Variants in IQCM observed in about 807,000 individuals in gnomAD.
IQCM encodes IQ motif containing M, also known as IQ domain-containing protein M.
IQCM carries 45 observed loss-of-function variants against 57.6 expected under a neutral mutation model. The ratio of observed to expected loss-of-function variants is 0.78; its 90% confidence interval spans 0.62 to 1.00. IQCM has a LOEUF of 1.00. IQCM is among the 50% of genes least tolerant of loss of function. The probability of loss-of-function intolerance (pLI) is 0.00; values close to 1 mark genes in which losing one functional copy is unlikely to be tolerated. For synonymous variants in IQCM, 148 were observed against 158.9 expected (o/e 0.93, Z 0.51); for missense variants, 468 against 511.6 (o/e 0.91, Z 0.82).
At chr4:149,438,848 T>C (rs149671518) in intron 12 of IQCM, among the ~76,000 whole-genome samples, 2,598 of 152,122 alleles carry the variant, frequency 0.017, 39 homozygotes, top group Non-Finnish European at 0.026. Context: ...GATATGCCAA[T>C]AAATAATATG....
chr4:149,596,686 T>C (rs756629279), intron 8 of IQCM, among the ~76,000 whole-genome samples: 7 of 152,138 alleles, frequency 4.6e-5, no homozygotes, highest in Non-Finnish European at 7.4e-5. Flanking sequence ...AGAAGTTTTC[T>C]AGGAATTTCT....
intron 8 of IQCM, among the ~76,000 whole-genome samples, chr4:149,609,269 G>T (rs1561055058): frequency 6.6e-6 from 1 of 151,752 alleles, no homozygotes; most frequent in Non-Finnish European, 1.5e-5. Flanking sequence ...TCAGAGAAAA[G>T]TCCAGGACCT....
chr4:149,481,723 G>GTTTTTTTTTGTTTTTTTTTTTTTTTT (rs1740903527), intron 12 of IQCM, among the ~76,000 whole-genome samples: 7 of 9,344 alleles, frequency 7.5e-4, no homozygotes, highest in African/African-American at 1.9e-3. Context: ...TTTTTTTTTT[G>GTTTTTTTTTGTTTTTTTTTTTTTTTT]CTTTTTGCTT....
chr4:149,408,584 C>G (rs1381202066), intron 13 of IQCM, among the ~76,000 whole-genome samples: 1 of 152,060 alleles, frequency 6.6e-6, no homozygotes, highest in Non-Finnish European at 1.5e-5. Flanking sequence ...GGAGGTGAGT[C>G]TTAAAGAACT....
intron 7 of IQCM, among the ~76,000 whole-genome samples, chr4:149,681,043 G>T (rs541874189): frequency 6.0e-5 from 9 of 151,222 alleles, no homozygotes; most frequent in Admixed American, 5.9e-4. Context: ...AGACTGAGGC[G>T]TTCATAAACC....
intron 13 of IQCM, among the ~76,000 whole-genome samples, chr4:149,364,322 C>T (rs796771235): frequency 3.9e-5 from 6 of 152,160 alleles, no homozygotes; most frequent in African/African-American, 1.4e-4. Context: ...ATGATGTTTC[C>T]GCAGCCTTAC....
intron 8 of IQCM, among the ~76,000 whole-genome samples, chr4:149,619,295 T>G (rs978235174): frequency 6.6e-6 from 1 of 151,974 alleles, no homozygotes; most frequent in South Asian, 2.1e-4. Context: ...TGGGTAGCGA[T>G]GGTCATCCAA....
chr4:149,562,715 G>A (rs1360675715), intron 10 of IQCM, among the ~76,000 whole-genome samples: 1 of 152,048 alleles, frequency 6.6e-6, no homozygotes, highest in African/African-American at 2.4e-5. Flanking sequence ...TTTTGCCAGA[G>A]TTTTACATGT....
intron 13 of IQCM, among the ~76,000 whole-genome samples, chr4:149,397,825 A>G (rs114308669): frequency 6.6e-6 from 1 of 151,670 alleles, no homozygotes; most frequent in Admixed American, 6.6e-5. Context: ...TCAGAGATTA[A>G]CCCCTTATCA....
chr4:149,629,593 G>T (rs1180349285), intron 7 of IQCM, among the ~76,000 whole-genome samples: 1 of 151,848 alleles, frequency 6.6e-6, no homozygotes, highest in Non-Finnish European at 1.5e-5. Context: ...ACAAGCAATT[G>T]TCTTTAGGCA....
At chr4:149,570,051 A>G (rs549247195) in intron 9 of IQCM, among the ~76,000 whole-genome samples, 39 of 152,138 alleles carry the variant, frequency 2.6e-4, no homozygotes, top group African/African-American at 9.4e-4. Flanking sequence ...AAAAGTCCTA[A>G]TAAAAATGTT....
intron 5 of IQCM, among the ~76,000 whole-genome samples, chr4:149,732,175 C>T (rs1025450685): frequency 3.9e-5 from 6 of 152,182 alleles, no homozygotes; most frequent in African/African-American, 1.4e-4. Context: ...AACATAAGTT[C>T]AAATTCTAGG....
intron 2 of IQCM, among the ~76,000 whole-genome samples, chr4:149,767,939 G>T (rs1018958331): frequency 2.0e-5 from 3 of 151,908 alleles, no homozygotes; most frequent in Non-Finnish European, 4.4e-5. Context: ...AAGAATATCT[G>T]TTTTATGGTT....
At chr4:149,560,430 T>C (rs1750007374) in intron 10 of IQCM, among the ~76,000 whole-genome samples, 1 of 152,132 alleles carries the variant, frequency 6.6e-6, no homozygotes, top group African/African-American at 2.4e-5. Context: ...ATATTTAATT[T>C]AGGATTAAAA....
chr4:149,402,985 A>G (rs969360787), intron 13 of IQCM, among the ~76,000 whole-genome samples: 4 of 151,970 alleles, frequency 2.6e-5, no homozygotes, highest in Non-Finnish European at 5.9e-5. Flanking sequence ...TGCATTTTAC[A>G]ATACAGAAGA....
intron 12 of IQCM, among the ~76,000 whole-genome samples, chr4:149,518,656 T>C (rs1421949537): frequency 6.6e-6 from 1 of 152,174 alleles, no homozygotes; most frequent in Non-Finnish European, 1.5e-5. Context: ...TGACAACTAA[T>C]TCAATGGTGT....
intron 2 of IQCM, among the ~76,000 whole-genome samples, chr4:149,773,318 C>T (rs1310188349): frequency 2.6e-5 from 4 of 151,238 alleles, no homozygotes. Context: ...TGCCACTGCA[C>T]TCCAGCCTGG....
chr4:149,441,263 T>C (rs1735913639), intron 12 of IQCM, among the ~76,000 whole-genome samples: 1 of 152,194 alleles, frequency 6.6e-6, no homozygotes, highest in Non-Finnish European at 1.5e-5. Flanking sequence ...AAATTTGGCA[T>C]GGGTGAAGCC....
intron 12 of IQCM, among the ~76,000 whole-genome samples, chr4:149,464,943 G>A (rs978969719): frequency 6.6e-6 from 1 of 152,054 alleles, no homozygotes; most frequent in Non-Finnish European, 1.5e-5. Flanking sequence ...AATTTAAATA[G>A]GAATAGTTAT....
Sources: gnomAD v4.1 joint callset for allele counts (sites outside exome capture counted in the v4.1 genomes callset) on GRCh38, gnomAD v4.1.1 for gene constraint, MANE v1.5 for transcripts, NCBI Gene and HGNC (gene_info 2026-07-23, HGNC 2026-07-21) for gene names.